The following SV2B variants were observed in gnomAD, a reference collection of about 807,000 sequenced individuals.
The protein encoded by SV2B is synaptic vesicle glycoprotein 2B, also known as solute carrier family 22 member B2.
Under a neutral mutation model 73.9 loss-of-function variants are expected in SV2B, and 41 were observed. That is an observed-to-expected ratio of 0.56 (90% CI 0.43 to 0.72). SV2B has a LOEUF of 0.72. Ranked by LOEUF, SV2B falls within the 30% of genes least tolerant of loss-of-function variation. The pLI is 0.00. For synonymous variants in SV2B, 314 were observed against 314.2 expected (o/e 1.00, Z 0.01); for missense variants, 764 against 857.8 (o/e 0.89, Z 1.37).
At chr15:91,135,014 T>C (rs1361670544) in intron 1 of SV2B, among the ~76,000 whole-genome samples, 3 of 120,656 alleles carry the variant, frequency 2.5e-5, no homozygotes, top group African/African-American at 8.4e-5. Flanking sequence ...TTTTTTTTTA[T>C]TTTGAGACAG....
At chr15:91,259,915 C>A (rs2047847319) in intron 5 of SV2B, among the ~76,000 whole-genome samples, 1 of 152,178 alleles carries the variant, frequency 6.6e-6, no homozygotes. Context: ...CTCTGTGGTA[C>A]TGGGGATTAG....
Position 91,109,049 on chromosome 15 carries a change from C to T in SV2B, c.-392+8686C>T, listed in dbSNP as rs116933493. ...AAGGCAATTGAAAATTCTCTCCTAA[C>T]GGATGACTGTCTAGCCCCTCAGAAC... On this transcript the variant is annotated intron_variant, in intron 1 of 12. Transcript: ENST00000394232. 3.3e-4 allele frequency among the ~76,000 whole-genome samples: 50 copies of T among 152,328 alleles called. 1 individual carries two copies. Among genetic ancestry groups the T allele is most frequent in the South Asian group, 1.2e-3 (6 of 4,826 alleles).
Position 91,273,428 on chromosome 15 carries a change from C to T in SV2B, c.1373+4823C>T, listed in dbSNP as rs76571370. Among the ~76,000 whole-genome samples, 8 of 152,296 alleles carry T rather than the reference C, an allele frequency of 5.3e-5. No individual in the cohort carries two copies. The East Asian group carries it at 1.5e-3, about 29-fold the overall frequency. On this transcript the variant is annotated intron_variant, in intron 9 of 12. Transcript: ENST00000394232. Reference sequence around the variant, plus strand: ...CCAAGTTCTGTAGCTTACTCCAGGTCCTGCATGGTTCTTGTGGAGCATCTT... The same window carrying T: ...CCAAGTTCTGTAGCTTACTCCAGGTTCTGCATGGTTCTTGTGGAGCATCTT...
intron 1 of SV2B, among the ~76,000 whole-genome samples, chr15:91,211,416 T>C (rs953757833): frequency 1.2e-4 from 18 of 152,096 alleles, no homozygotes; most frequent in Non-Finnish European, 2.4e-4. Flanking sequence ...ATTGGCTTAG[T>C]GGCTTAAACT....
At chr15:91,275,254 G>A (rs918913171) in intron 9 of SV2B, among the ~76,000 whole-genome samples, 8 of 150,976 alleles carry the variant, frequency 5.3e-5, no homozygotes, top group East Asian at 1.9e-4. Flanking sequence ...TCCATTTTAC[G>A]TTCACTATTG....
intron 1 of SV2B, among the ~76,000 whole-genome samples, chr15:91,157,514 G>A (rs967751796): frequency 3.9e-5 from 6 of 152,204 alleles, no homozygotes; most frequent in African/African-American, 9.6e-5. Context: ...ATGCTCTCTC[G>A]ATAAAAAATA....
chr15:91,192,330 A>G lies in SV2B; in HGVS notation c.-391-33543A>G, dbSNP rs562174124. ...GCATTTGATTATAAATTTGGCTGAC[A>G]TACAATTCTATGCTTTCTTGAATTC... On this transcript the variant is annotated intron_variant, in intron 1 of 12. Coordinates refer to ENST00000394232, the MANE Select transcript of SV2B (RefSeq NM_001323032.3). 2.0e-5 allele frequency among the ~76,000 whole-genome samples: 3 copies of G among 152,348 alleles called. No individual in the cohort carries two copies. In the South Asian group the frequency reaches 6.2e-4, roughly 32 times the overall value.
intron 1 of SV2B, among the ~76,000 whole-genome samples, chr15:91,189,942 T>TG (rs1309760095): frequency 6.6e-6 from 1 of 151,958 alleles, no homozygotes; most frequent in Non-Finnish European, 1.5e-5. Flanking sequence ...GAGCTGAGAT[T>TG]GCGCCACTGC....
rs192071666 is a variant in SV2B at position 91,145,833 on chromosome 15, C to T, written c.-392+45470C>T. 6.8e-3 allele frequency among the ~76,000 whole-genome samples: 1,038 copies of T among 151,998 alleles called. 12 individuals are homozygous for T. Among genetic ancestry groups the T allele is most frequent in the Middle Eastern group, 0.01 (3 of 294 alleles). The stretch of plus-strand genomic sequence containing the variant: ...ATGTCCTTTGCCCACTTTTTAATGA[C>T]GTTGTTTTTTTCTTATAAATTTAAG... On this transcript the variant is annotated intron_variant, in intron 1 of 12. Transcript: ENST00000394232.
intron 1 of SV2B, among the ~76,000 whole-genome samples, chr15:91,181,258 T>C (rs12439167): frequency 0.32 from 48,013 of 151,958 alleles, 8,315 homozygotes; most frequent in East Asian, 0.7. Flanking sequence ...CTGGAAGTTT[T>C]GTCTCAGAGG....
At chr15:91,126,087 A>C (rs1047877684) in intron 1 of SV2B, among the ~76,000 whole-genome samples, 3 of 152,206 alleles carry the variant, frequency 2.0e-5, no homozygotes, top group African/African-American at 7.2e-5. Context: ...CTAAGTATGC[A>C]AAGAAAAAGG....
intron 12 of SV2B, among the ~76,000 whole-genome samples, chr15:91,291,727 T>G (rs2049046585): frequency 2.0e-5 from 3 of 152,140 alleles, no homozygotes; most frequent in Admixed American, 6.5e-5. Flanking sequence ...CTCATCATGG[T>G]CCAAAATGAA....
At position 91,241,875 on chromosome 15, in the gene SV2B, T is replaced by C. The variant is rs962207946; in HGVS notation, c.452-9944T>C. Among the ~76,000 whole-genome samples, 1 of 152,214 alleles carries C rather than the reference T, an allele frequency of 6.6e-6. No homozygotes were observed. Among genetic ancestry groups the C allele is most frequent in the Non-Finnish European group, 1.5e-5 (1 of 68,030 alleles). ...TTCAGTCTTGATCCCACACACATCT[T>C]TTCTATTCCCTTTCCAGTAAAATTC... On this transcript the variant is annotated intron_variant, in intron 2 of 12. Transcript: ENST00000394232. This position sits in a 1 kb window ranked among gnomAD's most constrained non-coding sequence, Gnocchi z 4.8.
chr15:91,246,349 T>C (rs1314058226), intron 2 of SV2B, among the ~76,000 whole-genome samples: 1 of 152,230 alleles, frequency 6.6e-6, no homozygotes, highest in African/African-American at 2.4e-5. Flanking sequence ...TTTTAAGCTG[T>C]ACTGCTAATA....
intron 1 of SV2B, among the ~76,000 whole-genome samples, chr15:91,203,970 C>G (rs1244229851): frequency 3.9e-5 from 6 of 152,184 alleles, no homozygotes; most frequent in African/African-American, 9.7e-5. Context: ...CAATCAGGTC[C>G]ATTTATGCAA....
Position 91,274,448 on chromosome 15 carries a change from C to A in SV2B, c.1373+5843C>A, listed in dbSNP as rs189349010. The stretch of plus-strand genomic sequence containing the variant: ...CTCTATAACCAAGTGAGCCTGCCAT[C>A]TATGGAGACAATACATTTAGATGAC... On this transcript the variant is annotated intron_variant, in intron 9 of 12. Transcript: ENST00000394232. 4.6e-5 allele frequency among the ~76,000 whole-genome samples: 7 copies of A among 152,262 alleles called. No individual in the cohort carries two copies. The East Asian group carries it at 1.2e-3, about 25-fold the overall frequency.
Position 91,100,596 on chromosome 15 carries a change from A to C in SV2B, c.-392+233A>C, listed in dbSNP as rs184427278. On this transcript the variant is annotated intron_variant, in intron 1 of 12. Coordinates refer to ENST00000394232, the MANE Select transcript of SV2B (RefSeq NM_001323032.3). This position sits in a 1 kb window ranked among gnomAD's most constrained non-coding sequence, Gnocchi z 6.4. Reference sequence around the variant, plus strand: ...GCGCTTCTTTGAAAGCGGCCTCCCCAAGGGCTGTTTTAAAACCCTGTTTGA... The same window carrying C: ...GCGCTTCTTTGAAAGCGGCCTCCCCCAGGGCTGTTTTAAAACCCTGTTTGA... Among the ~76,000 whole-genome samples the C allele has an allele frequency of 1.3e-4, 20 of 152,358 alleles. No individual in the cohort carries two copies. The East Asian group carries it at 3.3e-3, about 25-fold the overall frequency.
rs2042823275 is a variant in SV2B, at chr15:91,136,296, G to T, written c.-392+35933G>T. 6.6e-6 allele frequency among the ~76,000 whole-genome samples: 1 copy of T among 152,162 alleles called. No individual in the cohort carries two copies. The highest frequency in any genetic ancestry group is 6.5e-5 in the Admixed American group (1 of 15,282). The stretch of plus-strand genomic sequence containing the variant: ...ACCTCAGATTAGTCGGGAGAGAGCG[G>T]CCGACCTCAGCAGGTTGCTGGAAGG... On this transcript the variant is annotated intron_variant, in intron 1 of 12. Transcript: ENST00000394232. The surrounding 1 kb of genome is among the most constrained non-coding windows in gnomAD (Gnocchi z 5.6).
At chr15:91,160,345 A>G (rs906417141) in intron 1 of SV2B, among the ~76,000 whole-genome samples, 2 of 152,252 alleles carry the variant, frequency 1.3e-5, no homozygotes, top group Non-Finnish European at 2.9e-5. Flanking sequence ...GCAGTGGCTC[A>G]TGCCTGTAAT....
Sources: gnomAD v4.1 joint callset for allele counts (sites outside exome capture counted in the v4.1 genomes callset) on GRCh38, gnomAD v4.1.1 for gene constraint, Gnocchi (gnomAD v3.1) non-coding constraint, MANE v1.5 for transcripts, NCBI Gene and HGNC (gene_info 2026-07-23, HGNC 2026-07-21) for gene names.